Variants in SULF1 observed in about 807,000 individuals in gnomAD.
SULF1 encodes the protein extracellular sulfatase Sulf-1.
A neutral mutation model predicts 110.5 loss-of-function variants in SULF1; 46 were observed. That is an observed-to-expected ratio of 0.42 (90% CI 0.33 to 0.53). The LOEUF is 0.53. Ranked by LOEUF, SULF1 falls within the 20% of genes least tolerant of loss-of-function variation. The pLI is 0.12. For missense variants in SULF1, 941 were observed against 1,094.2 expected, an observed-to-expected ratio of 0.86 and a Z score of 1.98; for synonymous variants, 371 against 387.1, an observed-to-expected ratio of 0.96 and a Z score of 0.49.
chr8:69,633,115 T>G (rs1167597859), intron 19 of SULF1, among the ~76,000 whole-genome samples: 2 of 152,122 alleles, frequency 1.3e-5, no homozygotes, highest in Admixed American at 1.3e-4. Flanking sequence ...TTAAAAATAG[T>G]TTTCATATTC....
intron 19 of SULF1, among the ~76,000 whole-genome samples, chr8:69,635,483 C>T (rs1339435217): frequency 2.0e-5 from 3 of 152,162 alleles, no homozygotes; most frequent in Non-Finnish European, 4.4e-5. Context: ...TTTTTAAAAT[C>T]ATTTCTCATT....
intron 22 of SULF1, among the ~76,000 whole-genome samples, chr8:69,653,018 C>T (rs7813987): frequency 0.39 from 59,648 of 152,008 alleles, 11,982 homozygotes; most frequent in African/African-American, 0.47. Flanking sequence ...TGAGCAACTA[C>T]GTTTCATCCA....
chr8:69,636,124 G>A (rs1376380205), intron 19 of SULF1, among the ~76,000 whole-genome samples: 2 of 152,160 alleles, frequency 1.3e-5, no homozygotes, highest in East Asian at 1.9e-4. Context: ...GTTTCAGACC[G>A]TGAATTTTAA....
At chr8:69,624,309 T>C in intron 15 of SULF1, 112 bp downstream of exon 15, 1 of 1,415,598 alleles carries the variant, frequency 7.1e-7, no homozygotes, top group Non-Finnish European at 9.5e-7. Context: ...GGCAATACAG[T>C]GCCTGAGGGC....
At chr8:69,549,486 T>C (rs1239281987) in intron 3 of SULF1, among the ~76,000 whole-genome samples, 1 of 151,526 alleles carries the variant, frequency 6.6e-6, no homozygotes, top group East Asian at 2.0e-4. Context: ...AAATGCAGTG[T>C]GTTAACTAGA....
chr8:69,639,036 T>C (rs1002767444), intron 21 of SULF1, among the ~76,000 whole-genome samples, 178 bp downstream of exon 21: 2 of 152,218 alleles, frequency 1.3e-5, no homozygotes, highest in African/African-American at 2.4e-5. Context: ...GGTGTACTAA[T>C]GAAAAGCTTA....
chr8:69,502,243 T>C (rs1323416607), intron 3 of SULF1, among the ~76,000 whole-genome samples: 1 of 152,148 alleles, frequency 6.6e-6, no homozygotes, highest in East Asian at 1.9e-4. Context: ...CATATGACTA[T>C]TGACATATTA....
intron 5 of SULF1, among the ~76,000 whole-genome samples, chr8:69,567,270 C>T (rs1815953461): frequency 6.6e-6 from 1 of 152,086 alleles, no homozygotes; most frequent in Non-Finnish European, 1.5e-5. Context: ...TTGATGGAGA[C>T]TTTTCCTCAT....
At chr8:69,535,611 T>C (rs1284593104) in intron 3 of SULF1, among the ~76,000 whole-genome samples, 1 of 152,128 alleles carries the variant, frequency 6.6e-6, no homozygotes, top group Non-Finnish European at 1.5e-5. Context: ...AGCTCTAACC[T>C]TTTTTCTGGA....
chr8:69,538,978 A>G (rs907520356), intron 3 of SULF1, among the ~76,000 whole-genome samples: 1 of 152,196 alleles, frequency 6.6e-6, no homozygotes, highest in Non-Finnish European at 1.5e-5. Flanking sequence ...GGCGTAAGCT[A>G]CCGTGCCCAG....
chr8:69,536,857 G>A (rs1009826310), intron 3 of SULF1, among the ~76,000 whole-genome samples: 1 of 152,148 alleles, frequency 6.6e-6, no homozygotes, highest in Non-Finnish European at 1.5e-5. Context: ...CGAAAGCCAT[G>A]TTCCTGCTCT....
chr8:69,517,603 A>G (rs1812019085), intron 3 of SULF1, among the ~76,000 whole-genome samples: 1 of 152,182 alleles, frequency 6.6e-6, no homozygotes, highest in Non-Finnish European at 1.5e-5. Flanking sequence ...CATTAATAGC[A>G]TTGATGGAAG....
Position 69,642,161 on chromosome 8 carries a change from T to TTCTTTATCTA in SULF1, c.2585+1322_2585+1331dup, listed in dbSNP as rs1359939041. ...TATCTTCTTTATCTATATTAATATC[T>TTCTTTATCTA]TCTTTATCTATATTAATATCTTCTT... On this transcript the variant is annotated intron_variant, in intron 22 of 22. Transcript: ENST00000402687. The TTCTTTATCTA allele has an allele frequency of 1.9e-5, 16 of 833,524 alleles. No homozygotes were observed. The East Asian group carries it at 2.0e-3, about 103-fold the overall frequency. The allele number at this position is 833,524 out of a possible 1,614,324, so 51.6% of individuals were successfully genotyped here.
chr8:69,496,646 C>T (rs1810379835), intron 2 of SULF1, among the ~76,000 whole-genome samples: 1 of 152,198 alleles, frequency 6.6e-6, no homozygotes, highest in East Asian at 1.9e-4. Context: ...GAAGAATATA[C>T]TGAGCTTCCA....
At chr8:69,515,437 G>A (rs567110619) in intron 3 of SULF1, among the ~76,000 whole-genome samples, 2 of 152,258 alleles carry the variant, frequency 1.3e-5, no homozygotes, top group African/African-American at 4.8e-5. Context: ...AGAACAGTGG[G>A]GCCCTGGGCC....
chr8:69,467,967 T>G (rs1399958398), intron 1 of SULF1, among the ~76,000 whole-genome samples: 1 of 149,036 alleles, frequency 6.7e-6, no homozygotes, highest in Non-Finnish European at 1.5e-5. Flanking sequence ...GGGGTTTATA[T>G]GCTATGTTTA....
chr8:69,538,686 C>T (rs1813637147), intron 3 of SULF1, among the ~76,000 whole-genome samples: 1 of 143,524 alleles, frequency 7.0e-6, no homozygotes, highest in Non-Finnish European at 1.5e-5. Flanking sequence ...AGCTTATTTT[C>T]TTTTTTCTTT....
chr8:69,566,321 A>G (rs975795110), intron 5 of SULF1, among the ~76,000 whole-genome samples: 6 of 152,212 alleles, frequency 3.9e-5, no homozygotes, highest in African/African-American at 1.4e-4. Flanking sequence ...TTTAAAATAT[A>G]TTAAGAAATT....
chr8:69,604,963 T>C, intron 13 of SULF1, 31 bp downstream of exon 13: 1 of 1,607,002 alleles, frequency 6.2e-7, no homozygotes, highest in Non-Finnish European at 8.5e-7. Context: ...TTACCACCAC[T>C]CATGTGCTTC....
Sources: gnomAD v4.1 joint callset for allele counts (sites outside exome capture counted in the v4.1 genomes callset) on GRCh38, gnomAD v4.1.1 for gene constraint, MANE v1.5 for transcripts, NCBI Gene and HGNC (gene_info 2026-07-23, HGNC 2026-07-21) for gene names.